SYNJ2: variants seen among roughly 807,000 people sequenced by gnomAD.
SYNJ2 encodes the protein synaptojanin 2.
SYNJ2 carries 116 observed loss-of-function variants against 141.3 expected under a neutral mutation model. That is an observed-to-expected ratio of 0.82 (90% CI 0.71 to 0.96). The LOEUF (loss-of-function observed/expected upper bound fraction) is 0.96, where lower values mean the gene tolerates loss of function less well. Among genes scored for constraint, SYNJ2 ranks in the 40% least tolerant of loss-of-function variants. SYNJ2 has a pLI of 0.00. For missense variants in SYNJ2, 1,873 were observed against 1,934.8 expected, an observed-to-expected ratio of 0.97 and a Z score of 0.60; for synonymous variants, 745 against 777.7, an observed-to-expected ratio of 0.96 and a Z score of 0.70.
At chr6:158,087,508 G>C (rs1446617085) in intron 23 of SYNJ2, among the ~76,000 whole-genome samples, 1 of 152,160 alleles carries the variant, frequency 6.6e-6, no homozygotes, top group Non-Finnish European at 1.5e-5. Context: ...ACAATGCTTT[G>C]CCCGTCCAGC....
chr6:157,998,064 G>A (rs984792719), intron 1 of SYNJ2, among the ~76,000 whole-genome samples: 2 of 152,244 alleles, frequency 1.3e-5, no homozygotes, highest in African/African-American at 4.8e-5. Flanking sequence ...AGGCATTCTT[G>A]GCCGGTCTGC....
At chr6:157,994,300 G>A (rs899482117) in intron 1 of SYNJ2, among the ~76,000 whole-genome samples, 3 of 152,252 alleles carry the variant, frequency 2.0e-5, no homozygotes, top group Non-Finnish European at 4.4e-5. Flanking sequence ...GTCAGGTGGA[G>A]CCAGCTGGGC....
upstream of SYNJ2, chr6:157,981,824 G>C: frequency 2.6e-6 from 2 of 774,262 alleles, no homozygotes; most frequent in Non-Finnish European, 1.7e-6. This position sits in a 1 kb window ranked among gnomAD's most constrained non-coding sequence, Gnocchi z 6.4. Flanking sequence ...GGAGGAGGCC[G>C]GGGAGGAGCC....
intron 1 of SYNJ2, among the ~76,000 whole-genome samples, chr6:158,009,693 G>C (rs1778194746): frequency 6.6e-6 from 1 of 152,228 alleles, no homozygotes; most frequent in Non-Finnish European, 1.5e-5. Context: ...AGAAAGGGGG[G>C]ATGGAAGTTG....
chr6:158,003,440 G>A (rs751190236), intron 1 of SYNJ2, among the ~76,000 whole-genome samples: 24 of 152,170 alleles, frequency 1.6e-4, no homozygotes, highest in Non-Finnish European at 2.9e-4. Context: ...ACTCTGGAAG[G>A]AGCAGCCACC....
rs765257801 is a variant in SYNJ2 at position 158,078,274 on chromosome 6, G to T, written c.2560G>T (p.Asp854Tyr). 1.2e-6 allele frequency: 2 copies of T among 1,609,344 alleles called. No homozygotes were observed. The change falls in exon 18 of 27, where the codon GAT becomes TAT. Residue 854 changes from aspartate (D) to tyrosine (Y), a missense_variant. Asp to Tyr is a radical substitution (Grantham distance 160). Coordinates refer to ENST00000355585, the MANE Select transcript of SYNJ2 (RefSeq NM_003898.4). ...YYGRAELQAS[D>Y]HRPVLAIVEV... is the part of the protein sequence containing the mutation. ...TGGTCGTGCGGAGCTACAAGCGTCT[G>T]ATCACAGGTGAGGTCCTGACTTCCA...
chr6:158,066,037 T>C (rs780260688), intron 11 of SYNJ2, among the ~76,000 whole-genome samples: 2 of 152,200 alleles, frequency 1.3e-5, no homozygotes, highest in Non-Finnish European at 2.9e-5. Context: ...TTATAGTGTA[T>C]ATGGATGCAT....
intron 11 of SYNJ2, among the ~76,000 whole-genome samples, chr6:158,065,275 A>G (rs906719239): frequency 2.0e-5 from 3 of 152,182 alleles, no homozygotes; most frequent in Non-Finnish European, 4.4e-5. Context: ...TCCTAAACGC[A>G]TCGGTGCCTT....
Position 158,086,949 on chromosome 6 carries a change from G to C in SYNJ2, c.3303G>C (p.Arg1101=), listed in dbSNP as rs2296506. 6.2e-7 allele frequency: 1 copy of C among 1,604,256 alleles called. No individual in the cohort carries two copies. The highest frequency in any genetic ancestry group is 1.3e-5 in the African/African-American group (1 of 74,662). The part of the protein sequence containing the change: ...SPSRSLSVPN[R]PRPPQPPQRP... ...GCAGGTCTCTGTCGGTCCCCAACCG[G>C]CCTCGGCCACCTCAACCCCCGCAGA... is the stretch of plus-strand genomic sequence containing the variant. Residue 1101 remains arginine, a synonymous_variant, in exon 23 of 27, where the codon CGG becomes CGC. Transcript: ENST00000355585.
intron 1 of SYNJ2, among the ~76,000 whole-genome samples, chr6:158,013,501 A>G (rs919625165): frequency 1.8e-4 from 27 of 152,220 alleles, no homozygotes; most frequent in Admixed American, 2.6e-4. Context: ...GCCCTTGTAC[A>G]GATTAATTCA....
intron 20 of SYNJ2, among the ~76,000 whole-genome samples, chr6:158,082,371 C>T (rs1177456502): frequency 3.4e-5 from 5 of 147,688 alleles, no homozygotes; most frequent in Non-Finnish European, 5.9e-5. Flanking sequence ...CCTGTAATCC[C>T]AGCTACTTGG....
intron 1 of SYNJ2, among the ~76,000 whole-genome samples, chr6:157,983,605 T>G (rs537518652): frequency 2.2e-4 from 34 of 152,324 alleles, no homozygotes; most frequent in Non-Finnish European, 4.4e-4. Context: ...AGATTTTATT[T>G]TTTCAAAAGT....
chr6:157,991,795 T>A (rs1401575059), intron 1 of SYNJ2, among the ~76,000 whole-genome samples: 1 of 152,164 alleles, frequency 6.6e-6, no homozygotes, highest in African/African-American at 2.4e-5. Flanking sequence ...TTTTATGGGA[T>A]GCTTATGAAT....
rs745929215 is a variant in SYNJ2 at position 158,040,734 on chromosome 6, G to T, written c.712-2582G>T. Among the ~76,000 whole-genome samples, 1 of 152,158 alleles carries T rather than the reference G, an allele frequency of 6.6e-6. No individual in the cohort carries two copies. Among genetic ancestry groups the T allele is most frequent in the African/African-American group, 2.4e-5 (1 of 41,422 alleles). ...TATATGTACCCCTGTGAGTTTTCCT[G>T]CCTCGTCGCTCTCTTTTTATGGCCA... On this transcript the variant is annotated intron_variant, in intron 4 of 26. Transcript: ENST00000355585. The surrounding 1 kb of genome is among the most constrained non-coding windows in gnomAD (Gnocchi z 4.2).
Position 158,086,868 on chromosome 6 carries a change from G to T in SYNJ2, c.3222G>T (p.Leu1074=), listed in dbSNP as rs1275901376. ...QHPTYKDDAD[L]VELKRELEAV... ...CATGTCCTCCAGATGACGCGGACCT[G>T]GTGGAGCTCAAGCGGGAGCTGGAAG... Residue 1074 remains leucine (L), a synonymous_variant, in exon 23 of 27, where the codon CTG becomes CTT. Coordinates refer to ENST00000355585, the MANE Select transcript of SYNJ2 (RefSeq NM_003898.4). 1.2e-6 allele frequency: 2 copies of T among 1,611,608 alleles called. No individual in the cohort carries two copies. Among genetic ancestry groups the T allele is most frequent in the East Asian group, 2.2e-5 (1 of 44,882 alleles).
chr6:158,093,024 C>G lies in SYNJ2; in HGVS notation c.3664C>G (p.Gln1222Glu). Reference sequence around the variant, plus strand: ...GGGGGCAGCCAAACCAGAGACCCCACAGGCGCCCCCACTCCTTCCCCGTCG... The same window carrying G: ...GGGGGCAGCCAAACCAGAGACCCCAGAGGCGCCCCCACTCCTTCCCCGTCG... Reference protein sequence around the residue: ...TPGAAKPETPQAPPLLPRRPP... With the variant: ...TPGAAKPETPEAPPLLPRRPP... The change falls in exon 26 of 27, where the codon CAG becomes GAG. Residue 1222 changes from glutamine (Q) to glutamate (E), a missense_variant. Physicochemically the swap from Gln to Glu is conservative, Grantham distance 29. Coordinates refer to ENST00000355585, the MANE Select transcript of SYNJ2 (RefSeq NM_003898.4). 1 of 1,612,916 alleles carries G rather than the reference C, an allele frequency of 6.2e-7. No individual in the cohort carries two copies.
In SYNJ2 at chr6:158,027,095, A is replaced by T. The variant is rs1038967099; in HGVS notation, c.215-1661A>T. 1.5e-5 allele frequency: 15 copies of T among 985,202 alleles called. No individual in the cohort carries two copies. The African/African-American group carries it at 2.6e-4, about 17-fold the overall frequency. The allele number at this position is 985,202 out of a possible 1,614,324, so 61.0% of individuals were successfully genotyped here. On this transcript the variant is annotated intron_variant, in intron 2 of 26. Transcript: ENST00000355585. The surrounding 1 kb of genome is among the most constrained non-coding windows in gnomAD (Gnocchi z 4.6). Reference sequence around the variant, plus strand: ...CCCCTGGGAGCCCTGAGCGCTCATTAAAGGAACGCACTTTAATGACAGCCA... The same window carrying T: ...CCCCTGGGAGCCCTGAGCGCTCATTTAAGGAACGCACTTTAATGACAGCCA...
At chr6:158,060,855 C>T (rs1300122341) in intron 7 of SYNJ2, among the ~76,000 whole-genome samples, 1 of 152,244 alleles carries the variant, frequency 6.6e-6, no homozygotes, top group African/African-American at 2.4e-5. Context: ...GAAGGGTGGG[C>T]TCCTGGCCAG....
At chr6:158,026,718 C>G in intron 2 of SYNJ2, 1 of 475,936 alleles carries the variant, frequency 2.1e-6, no homozygotes, top group Non-Finnish European at 2.7e-6. Flanking sequence ...ATGACTCTCA[C>G]GGAGTGATGT....
Sources: gnomAD v4.1 joint callset for allele counts (sites outside exome capture counted in the v4.1 genomes callset) on GRCh38, gnomAD v4.1.1 for gene constraint, Gnocchi (gnomAD v3.1) non-coding constraint, MANE v1.5 for transcripts, NCBI Gene and HGNC (gene_info 2026-07-23, HGNC 2026-07-21) for gene names.